CLIP1: variants seen among roughly 807,000 people sequenced by gnomAD.
The protein encoded by CLIP1 is CAP-Gly domain-containing linker protein 1.
A neutral mutation model predicts 161.6 loss-of-function variants in CLIP1; 66 were observed. The ratio of observed to expected loss-of-function variants is 0.41; its 90% CI spans 0.33 to 0.50. The LOEUF (loss-of-function observed/expected upper bound fraction) is 0.50. Ranked by LOEUF, CLIP1 falls within the 20% of genes least tolerant of loss-of-function variation. The pLI is 0.27. For synonymous variants in CLIP1, 598 were observed against 626.2 expected (o/e 0.96, Z 0.67); for missense variants, 1,376 against 1,702.0 (o/e 0.81, Z 3.37).
At position 122,292,994 on chromosome 12, in the gene CLIP1, C is replaced by T. The variant is rs543383646; in HGVS notation, c.3595-4453G>A. Among the ~76,000 whole-genome samples the T allele has an allele frequency of 8.2e-5, 8 of 97,226 alleles. No homozygotes were observed. In the East Asian group the frequency reaches 1.8e-3, roughly 22 times the overall value. The allele number at this position is 97,226 out of a possible 152,430, so 63.8% of individuals were successfully genotyped here. On this transcript the variant is annotated intron_variant, in intron 20 of 25. Transcript: ENST00000620786. ...GTCCAGCCTGGGCAAAAGAGCAAGA[C>T]TCTGTCTCAAAAAAAAAAAAAAAAA...
At chr12:122,402,642 G>C (rs1007993616) in intron 1 of CLIP1, among the ~76,000 whole-genome samples, 2 of 152,042 alleles carry the variant, frequency 1.3e-5, no homozygotes, top group Admixed American at 1.3e-4. Flanking sequence ...CGGATGTGGT[G>C]GTGGGCACCT....
At position 122,380,442 on chromosome 12, in the gene CLIP1, A is replaced by G. The variant is rs989188932; in HGVS notation, c.11T>C (p.Leu4Pro). 2 of 1,611,700 alleles carry G rather than the reference A, an allele frequency of 1.2e-6. No homozygotes were observed. Among genetic ancestry groups the G allele is most frequent in the Non-Finnish European group, 1.7e-6 (2 of 1,178,594 alleles). ...GGGGGCCTTAAGCCCACTTGGCTTT[A>G]GCATACTCATTTTCTTTGTATGTCA... MSMLKPSGLKAPTK... is the reference protein window; with the variant it reads MSMPKPSGLKAPTK... The change falls in exon 2 of 26, where the codon CTA (leucine) becomes CCA (proline). Residue 4 changes from leucine to proline, a missense_variant. Leu to Pro is a moderately conservative substitution (Grantham distance 98, BLOSUM62 -3). Transcript: ENST00000620786.
intron 15 of CLIP1, among the ~76,000 whole-genome samples, chr12:122,331,422 C>A (rs1419043741): frequency 1.3e-5 from 2 of 152,070 alleles, no homozygotes; most frequent in African/African-American, 4.8e-5. Context: ...TCAAGCGATT[C>A]TCCTGCCTCA....
At chr12:122,411,139 G>A (rs1343322671) in intron 1 of CLIP1, among the ~76,000 whole-genome samples, 2 of 152,234 alleles carry the variant, frequency 1.3e-5, no homozygotes, top group Admixed American at 6.5e-5. Context: ...ACAAGAGCCA[G>A]GCATAGTGGC....
intron 1 of CLIP1, among the ~76,000 whole-genome samples, chr12:122,382,904 G>A (rs964428478): frequency 3.3e-5 from 5 of 151,920 alleles, no homozygotes; most frequent in Non-Finnish European, 5.9e-5. Flanking sequence ...GAGTCCCTAC[G>A]CTAAGGCCGT....
intron 20 of CLIP1, among the ~76,000 whole-genome samples, chr12:122,306,526 C>T (rs971235643): frequency 2.0e-5 from 3 of 152,172 alleles, no homozygotes; most frequent in Non-Finnish European, 4.4e-5. Flanking sequence ...GAAGCAGAAG[C>T]ACACGATCCT....
At chr12:122,420,419 A>C (rs1371111640) in intron 1 of CLIP1, among the ~76,000 whole-genome samples, 6 of 152,176 alleles carry the variant, frequency 3.9e-5, no homozygotes, top group Non-Finnish European at 8.8e-5. Flanking sequence ...AGCTTATGTC[A>C]TGCTGAAGTG....
chr12:122,335,611 A>G (rs1432209078), intron 12 of CLIP1, among the ~76,000 whole-genome samples: 1 of 152,144 alleles, frequency 6.6e-6, no homozygotes, highest in Non-Finnish European at 1.5e-5. Flanking sequence ...GTTCAAGACC[A>G]GCCTGGCCAA....
intron 2 of CLIP1, 30 bp downstream of exon 2, chr12:122,380,338 G>T (rs781475932): frequency 4.2e-6 from 6 of 1,441,292 alleles, no homozygotes; most frequent in Non-Finnish European, 5.8e-6. Context: ...CTCCATATAG[G>T]ATAAGGAAAG....
At position 122,323,081 on chromosome 12, in the gene CLIP1, C is replaced by T. The variant is rs1338894543; in HGVS notation, c.3250-3733G>A. 6.6e-6 allele frequency: 1 copy of T among 152,606 alleles called. No homozygotes were observed. Among genetic ancestry groups the T allele is most frequent in the East Asian group, 1.9e-4 (1 of 5,200 alleles). The allele number at this position is 152,606 out of a possible 1,614,324, so 9.5% of individuals were successfully genotyped here. A position where few individuals can be genotyped will look rare whatever the true frequency, so the allele number is the denominator to read the frequency against. ...ACTTCTGTTTGCAGACTCTTGATCACATTGCCTTTTGAGGTCTCCTATGGC... is the reference window on the plus strand; with the variant it reads ...ACTTCTGTTTGCAGACTCTTGATCATATTGCCTTTTGAGGTCTCCTATGGC... On this transcript the variant is annotated intron_variant, in intron 17 of 25. Transcript: ENST00000620786. This position sits in a 1 kb window ranked among gnomAD's most constrained non-coding sequence, Gnocchi z 4.1.
intron 1 of CLIP1, among the ~76,000 whole-genome samples, chr12:122,419,387 T>TA (rs1051945255): frequency 4.2e-4 from 63 of 148,496 alleles, no homozygotes; most frequent in Non-Finnish European, 7.0e-4. Context: ...AAAAATTAAT[T>TA]AAAAAAAAAT....
chr12:122,303,664 G>A (rs909979319), intron 20 of CLIP1, among the ~76,000 whole-genome samples: 5 of 152,104 alleles, frequency 3.3e-5, no homozygotes, highest in South Asian at 2.1e-4. Context: ...CTTGGGGCAC[G>A]CATCCCCAGT....
Position 122,316,781 on chromosome 12 carries a change from C to A in CLIP1, c.3441G>T (p.Glu1147Asp), listed in dbSNP as rs1242730063. ...TCCTAAATTCTTCCATTTTTTGATTCTCTACAGTCAGGAGTTCTTTTGATT... is the reference window on the plus strand; with the variant it reads ...TCCTAAATTCTTCCATTTTTTGATTATCTACAGTCAGGAGTTCTTTTGATT... ...LNKSKELLTV[E>D]NQKMEEFRKE... is the part of the protein sequence containing the mutation. Residue 1147 changes from glutamate (E) to aspartate (D), a missense_variant, in exon 19 of 26, where the codon GAG becomes GAT. Glu to Asp is a conservative substitution (Grantham distance 45, BLOSUM62 2). Around this residue, in one of 6 missense-constraint regions of CLIP1, gnomAD observed 948 missense variants for 1,134.8 expected, o/e 0.84. Coordinates refer to ENST00000620786, the MANE Select transcript of CLIP1 (RefSeq NM_001247997.2). The A allele has an allele frequency of 6.9e-6, 11 of 1,582,960 alleles. No individual in the cohort carries two copies. The highest frequency in any genetic ancestry group is 9.4e-6 in the Non-Finnish European group (11 of 1,168,014).
chr12:122,385,353 T>G (rs1955212007), intron 1 of CLIP1, among the ~76,000 whole-genome samples: 1 of 152,004 alleles, frequency 6.6e-6, no homozygotes, highest in South Asian at 2.1e-4. Context: ...CGGCAACGGA[T>G]GAAGGGCTGC....
chr12:122,351,692 T>C (rs1432331741), intron 8 of CLIP1, among the ~76,000 whole-genome samples: 2 of 152,196 alleles, frequency 1.3e-5, no homozygotes, highest in Non-Finnish European at 2.9e-5. Flanking sequence ...TTTACTAAAA[T>C]ATTGTAGATT....
intron 3 of CLIP1, among the ~76,000 whole-genome samples, chr12:122,370,822 G>A (rs1954408952): frequency 1.3e-5 from 2 of 151,974 alleles, no homozygotes; most frequent in East Asian, 1.9e-4. Context: ...ACAGGAAAGG[G>A]TAATGCATGC....
At chr12:122,348,970 TGA>T (rs1290109311) in intron 9 of CLIP1, among the ~76,000 whole-genome samples, 3 of 152,092 alleles carry the variant, frequency 2.0e-5, no homozygotes, top group Admixed American at 1.3e-4. Context: ...CAAACCATGA[TGA>T]GATATTTAAA....
chr12:122,325,054 ATTTT>A (rs11330696), intron 17 of CLIP1, among the ~76,000 whole-genome samples: 1 of 123,610 alleles, frequency 8.1e-6, no homozygotes, highest in Non-Finnish European at 1.7e-5. Context: ...CAATGATATA[ATTTT>A]TTTTTTTTTT....
At chr12:122,337,102 G>T (rs7397299) in intron 11 of CLIP1, among the ~76,000 whole-genome samples, 107,189 of 151,508 alleles carry the variant, frequency 0.71, 38,476 homozygotes, top group East Asian at 0.85. Context: ...CCTAAGCAGC[G>T]GAGATTACAG....
Sources: gnomAD v4.1 joint callset for allele counts (sites outside exome capture counted in the v4.1 genomes callset) on GRCh38, gnomAD v4.1.1 for gene constraint, gnomAD v4.1.1 regional missense constraint, Gnocchi (gnomAD v3.1) non-coding constraint, MANE v1.5 for transcripts, NCBI Gene and HGNC (gene_info 2026-07-23, HGNC 2026-07-21) for gene names.